Variants in MSI2 observed in about 807,000 individuals in gnomAD.
MSI2 encodes the protein RNA-binding protein Musashi homolog 2.
In MSI2, 17 loss-of-function variants were observed where a neutral mutation model predicts 45.6. That is an observed-to-expected ratio of 0.37 (90% CI 0.26 to 0.56). MSI2 has a LOEUF of 0.56. Among genes scored for constraint, MSI2 ranks in the 20% least tolerant of loss-of-function variants. The probability of loss-of-function intolerance (pLI) is 0.77; values close to 1 mark genes in which losing one functional copy is unlikely to be tolerated. For missense variants in MSI2, 293 were observed against 444.2 expected (o/e 0.66, Z 3.06); for synonymous variants, 156 against 158.2 (o/e 0.99, Z 0.11).
intron 8 of MSI2, among the ~76,000 whole-genome samples, chr17:57,614,106 A>G (rs1336605014): frequency 1.3e-5 from 2 of 152,012 alleles, no homozygotes; most frequent in East Asian, 1.9e-4. Flanking sequence ...GCTGGAGTAC[A>G]GTGGTGCGAT....
chr17:57,265,926 T>C (rs1313689167), intron 5 of MSI2: 1 of 152,228 alleles, frequency 6.6e-6, no homozygotes, highest in Non-Finnish European at 1.5e-5. Flanking sequence ...TGGAAGAGTT[T>C]TGCTTGAGCT....
intron 6 of MSI2, among the ~76,000 whole-genome samples, chr17:57,461,210 T>C (rs1164172119): frequency 5.9e-5 from 9 of 152,078 alleles, no homozygotes. Context: ...ATGGGTGCAG[T>C]GTTGTCACCC....
intron 6 of MSI2, among the ~76,000 whole-genome samples, chr17:57,505,685 A>G (rs1358980624): frequency 1.3e-5 from 2 of 152,120 alleles, no homozygotes; most frequent in East Asian, 1.9e-4. Context: ...GGTTAAAGCT[A>G]TGCCAGTGGT....
intron 5 of MSI2, among the ~76,000 whole-genome samples, chr17:57,347,007 T>C (rs1915671130): frequency 6.6e-6 from 1 of 152,218 alleles, no homozygotes; most frequent in South Asian, 2.1e-4. Context: ...ACATTTACTC[T>C]GGTTATCTTT....
chr17:57,584,489 G>A (rs573137630), intron 7 of MSI2, among the ~76,000 whole-genome samples: 87 of 152,314 alleles, frequency 5.7e-4, no homozygotes, highest in Middle Eastern at 3.4e-3. Context: ...TGTGGGGGGC[G>A]CGGAGGGAGC....
chr17:57,505,997 G>C (rs2086219927), intron 6 of MSI2, among the ~76,000 whole-genome samples: 2 of 152,170 alleles, frequency 1.3e-5, no homozygotes, highest in African/African-American at 4.8e-5. Context: ...GCCCCCTCCA[G>C]ACTCTCTTTA....
intron 5 of MSI2, among the ~76,000 whole-genome samples, chr17:57,298,984 C>T (rs1911210155): frequency 6.6e-6 from 1 of 152,248 alleles, no homozygotes; most frequent in South Asian, 2.1e-4. Context: ...GCTAGATCTT[C>T]TGGATAACTT....
chr17:57,325,341 A>C (rs909304550), intron 5 of MSI2, among the ~76,000 whole-genome samples: 4 of 152,244 alleles, frequency 2.6e-5, no homozygotes, highest in Non-Finnish European at 5.9e-5. Context: ...AAAAAACTAC[A>C]TATTGGATGC....
At chr17:57,646,126 T>G (rs1910638978) in intron 10 of MSI2, among the ~76,000 whole-genome samples, 1 of 152,158 alleles carries the variant, frequency 6.6e-6, no homozygotes, top group African/African-American at 2.4e-5. Flanking sequence ...CAGTCTTCTG[T>G]GGGGAAGACT....
chr17:57,673,724 A>G (rs1416473792), intron 11 of MSI2, among the ~76,000 whole-genome samples: 1 of 152,022 alleles, frequency 6.6e-6, no homozygotes, highest in Non-Finnish European at 1.5e-5. Flanking sequence ...GGGGGGGCCG[A>G]GGCAGTGTCA....
At chr17:57,381,642 G>A (rs529509015) in intron 5 of MSI2, among the ~76,000 whole-genome samples, 5 of 152,290 alleles carry the variant, frequency 3.3e-5, no homozygotes, top group South Asian at 2.1e-4. Context: ...CTTAATGCAC[G>A]TGGGCATGGA....
At chr17:57,503,368 G>C (rs554937348) in intron 6 of MSI2, among the ~76,000 whole-genome samples, 11 of 152,264 alleles carry the variant, frequency 7.2e-5, no homozygotes, top group African/African-American at 1.9e-4. Context: ...TATACGTTTT[G>C]CTAGGAAAAG....
At chr17:57,371,648 CTA>C (rs1442958533) in intron 5 of MSI2, among the ~76,000 whole-genome samples, 2 of 151,704 alleles carry the variant, frequency 1.3e-5, no homozygotes, top group African/African-American at 4.8e-5. Flanking sequence ...TTTTTATTGT[CTA>C]TGTGGTGTTG....
At chr17:57,454,414 C>G (rs939004767) in intron 6 of MSI2, among the ~76,000 whole-genome samples, 1 of 151,254 alleles carries the variant, frequency 6.6e-6, no homozygotes. Flanking sequence ...TCTTTCCTCT[C>G]TCTCTCTTTT....
chr17:57,528,108 C>G (rs1057459330), intron 6 of MSI2, among the ~76,000 whole-genome samples: 2 of 150,888 alleles, frequency 1.3e-5, no homozygotes, highest in Non-Finnish European at 3.0e-5. Flanking sequence ...ACCCCCCCTA[C>G]AGCCACACGG....
At chr17:57,452,207 G>A (rs2085032299) in intron 6 of MSI2, among the ~76,000 whole-genome samples, 1 of 152,230 alleles carries the variant, frequency 6.6e-6, no homozygotes, top group Non-Finnish European at 1.5e-5. Flanking sequence ...TGTCTGGGAG[G>A]CAGGTTCTAG....
chr17:57,292,598 G>C (rs1910520481), intron 5 of MSI2, among the ~76,000 whole-genome samples: 1 of 152,158 alleles, frequency 6.6e-6, no homozygotes. Flanking sequence ...CTCACCTGTG[G>C]ATCTCCAGTT....
chr17:57,308,522 G>A (rs919121464), intron 5 of MSI2, among the ~76,000 whole-genome samples: 1 of 152,202 alleles, frequency 6.6e-6, no homozygotes, highest in Admixed American at 6.5e-5. Flanking sequence ...ATTGTGTGCC[G>A]ACTTAACGGT....
rs562064335 is a variant in MSI2 at position 57,256,991 on chromosome 17, T to TCTCG, written c.63-95_63-92dup. On this transcript the variant is annotated intron_variant, in intron 1 of 13. Transcript: ENST00000284073. Reference sequence around the variant, plus strand: ...CTTCTCCCCCACCCCACCTCCCGGCTCTCGCTCGCTCGCTCCCCCCCGCTT... The same window carrying TCTCG: ...CTTCTCCCCCACCCCACCTCCCGGCTCTCGCTCGCTCGCTCGCTCCCCCCCGCTT... The TCTCG allele has an allele frequency of 1.1e-3, 1,685 of 1,536,376 alleles. 32 individuals carry two copies. The South Asian group carries it at 0.018, about 17-fold the overall frequency.
Sources: gnomAD v4.1 joint callset for allele counts (sites outside exome capture counted in the v4.1 genomes callset) on GRCh38, gnomAD v4.1.1 for gene constraint, MANE v1.5 for transcripts, NCBI Gene and HGNC (gene_info 2026-07-23, HGNC 2026-07-21) for gene names.